The following CNBD1 variants were observed in gnomAD, a reference collection of about 807,000 sequenced individuals.
CNBD1 encodes cyclic nucleotide binding domain containing 1.
CNBD1 carries 71 observed loss-of-function variants against 54.4 expected under a neutral mutation model. The ratio of observed to expected loss-of-function variants is 1.30; its 90% CI spans 1.08 to 1.59. The LOEUF is 1.59. Among genes scored for constraint, CNBD1 ranks in the 40% most tolerant of loss-of-function variants. CNBD1 has a pLI of 0.00. For missense variants in CNBD1, 659 were observed against 518.0 expected, an observed-to-expected ratio of 1.27 and a Z score of -2.64; for synonymous variants, 182 against 170.7, an observed-to-expected ratio of 1.07 and a Z score of -0.51.
intron 10 of CNBD1, among the ~76,000 whole-genome samples, chr8:87,361,049 A>G (rs530761600): frequency 6.6e-6 from 1 of 152,030 alleles, no homozygotes; most frequent in South Asian, 2.1e-4. Context: ...ACTAATAAAA[A>G]GGATTTAAGC....
chr8:87,391,721 A>G (rs1434105815), intron 2 of CNBD1, among the ~76,000 whole-genome samples: 1 of 152,108 alleles, frequency 6.6e-6, no homozygotes, highest in Non-Finnish European at 1.5e-5. Context: ...AATTGTAAGA[A>G]CTAAAACTGT....
chr8:87,003,722 C>T (rs1809039171), intron 4 of CNBD1, among the ~76,000 whole-genome samples: 1 of 152,032 alleles, frequency 6.6e-6, no homozygotes, highest in Admixed American at 6.5e-5. Context: ...CCAAAAATTA[C>T]AACAAGAAGG....
intron 4 of CNBD1, among the ~76,000 whole-genome samples, chr8:87,004,273 G>A (rs1334047840): frequency 6.6e-6 from 1 of 152,092 alleles, no homozygotes; most frequent in African/African-American, 2.4e-5. Context: ...AGTGGGAGCA[G>A]GCACTTCTCA....
At chr8:87,382,325 C>G (rs1245047165) in intron 10 of CNBD1, among the ~76,000 whole-genome samples, 1 of 151,648 alleles carries the variant, frequency 6.6e-6, no homozygotes, top group Non-Finnish European at 1.5e-5. Context: ...AAAATATCAG[C>G]AAGAAACATA....
intron 8 of CNBD1, among the ~76,000 whole-genome samples, chr8:87,344,725 C>G (rs1810134998): frequency 6.6e-6 from 1 of 152,114 alleles, no homozygotes; most frequent in Admixed American, 6.5e-5. Flanking sequence ...ATTACTCATA[C>G]TGTACACTTG....
chr8:86,983,411 C>A (rs1216140469), intron 4 of CNBD1, among the ~76,000 whole-genome samples: 2 of 152,112 alleles, frequency 1.3e-5, no homozygotes, highest in Non-Finnish European at 2.9e-5. Context: ...TAGAGTGGGG[C>A]ACTGCTGAAA....
intron 4 of CNBD1, among the ~76,000 whole-genome samples, chr8:87,055,597 A>G (rs2130630088): frequency 6.6e-6 from 1 of 152,192 alleles, no homozygotes; most frequent in African/African-American, 2.4e-5. Context: ...CTGCAGTCTG[A>G]GTTTTCCTCA....
chr8:86,995,499 G>T (rs925208243), intron 4 of CNBD1, among the ~76,000 whole-genome samples: 2 of 152,178 alleles, frequency 1.3e-5, no homozygotes, highest in South Asian at 4.1e-4. Context: ...CTCTAATTCT[G>T]ACTCAGGATA....
intron 8 of CNBD1, among the ~76,000 whole-genome samples, chr8:87,335,146 A>T (rs1661964536): frequency 6.6e-6 from 1 of 152,142 alleles, no homozygotes; most frequent in African/African-American, 2.4e-5. Flanking sequence ...TTTTAGAGTA[A>T]GTGTCATGTG....
chr8:87,220,773 C>CAGT (rs749844338), intron 5 of CNBD1, among the ~76,000 whole-genome samples: 4 of 151,976 alleles, frequency 2.6e-5, no homozygotes, highest in Non-Finnish European at 5.9e-5. Context: ...TATATACTTA[C>CAGT]AGTAACTTTT....
intron 6 of CNBD1, among the ~76,000 whole-genome samples, chr8:87,249,352 G>T (rs962847450): frequency 4.6e-5 from 7 of 152,092 alleles, no homozygotes; most frequent in Admixed American, 2.6e-4. Context: ...AGCTTTTCCT[G>T]CTTGCCCATT....
At chr8:87,321,592 C>A (rs1453533662) in intron 8 of CNBD1, among the ~76,000 whole-genome samples, 1 of 152,050 alleles carries the variant, frequency 6.6e-6, no homozygotes, top group East Asian at 1.9e-4. Flanking sequence ...TGAATATTAA[C>A]CATTTATCAG....
chr8:86,922,445 G>T (rs1466460596), intron 3 of CNBD1, among the ~76,000 whole-genome samples: 1 of 152,082 alleles, frequency 6.6e-6, no homozygotes, highest in Non-Finnish European at 1.5e-5. Context: ...AAGAAAGTTT[G>T]TATTAATAGA....
In CNBD1 at chr8:87,143,754, T is replaced by A. The variant is rs537758779; in HGVS notation, c.432-62239T>A. ...GATCTTAGTATGTGAAATAGTAATG[T>A]TTTCTGATGGCCAGAACTACATCAT... On this transcript the variant is annotated intron_variant, in intron 4 of 10. Coordinates refer to ENST00000518476, the MANE Select transcript of CNBD1 (RefSeq NM_173538.3). 1.4e-4 allele frequency among the ~76,000 whole-genome samples: 21 copies of A among 152,316 alleles called. 1 individual carries two copies. In the South Asian group the frequency reaches 4.3e-3, roughly 32 times the overall value.
chr8:87,001,716 G>T (rs920216241), intron 4 of CNBD1, among the ~76,000 whole-genome samples: 3 of 152,264 alleles, frequency 2.0e-5, no homozygotes, highest in South Asian at 4.1e-4. Context: ...CAGAGGGAAT[G>T]CTCAGTTTTT....
chr8:86,925,964 C>G (rs553847846), intron 3 of CNBD1, among the ~76,000 whole-genome samples: 2 of 152,078 alleles, frequency 1.3e-5, no homozygotes, highest in African/African-American at 2.4e-5. Flanking sequence ...AAAAGGAACC[C>G]AAGTTGTTTG....
At chr8:86,923,539 G>C (rs1751524057) in intron 3 of CNBD1, among the ~76,000 whole-genome samples, 1 of 152,050 alleles carries the variant, frequency 6.6e-6, no homozygotes, top group Admixed American at 6.6e-5. Context: ...ACCCAGCTTT[G>C]GGAAATCAGC....
intron 5 of CNBD1, among the ~76,000 whole-genome samples, chr8:87,211,850 T>C (rs1814106410): frequency 6.6e-6 from 1 of 152,216 alleles, no homozygotes; most frequent in African/African-American, 2.4e-5. Flanking sequence ...TGCTATATTA[T>C]AGAAACTCAT....
intron 6 of CNBD1, among the ~76,000 whole-genome samples, chr8:87,238,727 T>C (rs1214291987): frequency 1.3e-5 from 2 of 152,186 alleles, no homozygotes; most frequent in East Asian, 1.9e-4. Context: ...ACCGGCCTAT[T>C]TATATACCAA....
Sources: allele counts gnomAD v4.1 joint callset (sites outside exome capture counted in the v4.1 genomes callset), GRCh38; gene constraint gnomAD v4.1.1; transcripts MANE v1.5; gene names NCBI Gene and HGNC (gene_info 2026-07-23, HGNC 2026-07-21).